Variants in SYT1 observed in about 807,000 individuals in gnomAD.
SYT1 encodes the protein synaptotagmin 1, also known as synaptotagmin-1.
Under a neutral mutation model 44.8 loss-of-function variants are expected in SYT1, and 8 were observed. The observed-to-expected ratio is 0.18, with a 90% CI of 0.10 to 0.32. The LOEUF is 0.32. Ranked by LOEUF, SYT1 falls within the 10% of genes least tolerant of loss-of-function variation. The pLI, the probability that SYT1 is intolerant of heterozygous loss-of-function variation, is 1.00. For synonymous variants in SYT1, 154 were observed against 188.8 expected (o/e 0.82, Z 1.51); for missense variants, 286 against 509.3 (o/e 0.56, Z 4.22).
At chr12:78,997,662 T>C (rs1260936403) in intron 2 of SYT1, among the ~76,000 whole-genome samples, 1 of 150,260 alleles carries the variant, frequency 6.7e-6, no homozygotes, top group Non-Finnish European at 1.5e-5. Context: ...TCTTTCTCTT[T>C]CCTTTTTTTT....
chr12:78,918,248 G>A (rs188044595), intron 1 of SYT1, among the ~76,000 whole-genome samples: 145 of 152,194 alleles, frequency 9.5e-4, no homozygotes, highest in Non-Finnish European at 1.9e-4. Context: ...GAGTGGGCTT[G>A]ATTCCTCCAG....
chr12:78,962,168 A>C (rs181181128), intron 1 of SYT1, among the ~76,000 whole-genome samples: 4 of 152,250 alleles, frequency 2.6e-5, no homozygotes, highest in African/African-American at 4.8e-5. Context: ...AGTTTGGGTC[A>C]CTCAGCTAAC....
intron 1 of SYT1, among the ~76,000 whole-genome samples, chr12:78,948,013 T>C (rs1357656203): frequency 6.6e-6 from 1 of 151,886 alleles, no homozygotes; most frequent in Non-Finnish European, 1.5e-5. Flanking sequence ...AATAGATATA[T>C]TGCATAAGAA....
chr12:79,031,504 G>A (rs1872828995), intron 2 of SYT1, among the ~76,000 whole-genome samples: 1 of 151,046 alleles, frequency 6.6e-6, no homozygotes, highest in African/African-American at 2.4e-5. Flanking sequence ...GTCAGAAAAT[G>A]CAGGGGAATT....
At chr12:79,053,714 T>G (rs1874715473) in intron 3 of SYT1, among the ~76,000 whole-genome samples, 1 of 151,156 alleles carries the variant, frequency 6.6e-6, no homozygotes, top group Non-Finnish European at 1.5e-5. Context: ...ACAATAAGTA[T>G]TATTACATAA....
At chr12:79,447,557 T>G (rs1174619840) in intron 10 of SYT1, among the ~76,000 whole-genome samples, 1 of 152,194 alleles carries the variant, frequency 6.6e-6, no homozygotes, top group Non-Finnish European at 1.5e-5. Flanking sequence ...AATCAAACTC[T>G]AAAAACTTCT....
intron 2 of SYT1, among the ~76,000 whole-genome samples, chr12:79,036,973 C>T (rs1873174682): frequency 6.6e-6 from 1 of 151,708 alleles, no homozygotes; most frequent in African/African-American, 2.4e-5. Context: ...AGGTTATGGA[C>T]TAAATAGAGG....
At chr12:78,889,535 A>C (rs1463685881) in intron 1 of SYT1, among the ~76,000 whole-genome samples, 1 of 151,952 alleles carries the variant, frequency 6.6e-6, no homozygotes, top group East Asian at 1.9e-4. Context: ...GGATTTAGAA[A>C]TGTTATTTAT....
At chr12:79,400,606 G>A (rs1885034247) in intron 9 of SYT1, among the ~76,000 whole-genome samples, 1 of 152,208 alleles carries the variant, frequency 6.6e-6, no homozygotes, top group Non-Finnish European at 1.5e-5. Flanking sequence ...TAGCAGGACA[G>A]AAATTAGAGC....
At chr12:78,876,461 GTGTTTTTTT>G (rs200341555) in intron 1 of SYT1, among the ~76,000 whole-genome samples, 760 of 30,234 alleles carry the variant, frequency 0.025, 19 homozygotes, top group East Asian at 0.2. Context: ...GAAAATGGAG[GTGTTTTTTT>G]TTTTTTTTTT....
chr12:78,874,558 T>C (rs1455933867), intron 1 of SYT1, among the ~76,000 whole-genome samples: 1 of 151,670 alleles, frequency 6.6e-6, no homozygotes. Context: ...CCTGTTACTA[T>C]ATGGTAGATT....
intron 3 of SYT1, among the ~76,000 whole-genome samples, chr12:79,097,976 A>G (rs74237218): frequency 0.023 from 3,485 of 152,034 alleles, 118 homozygotes; most frequent in South Asian, 0.11. Context: ...CAGACATTGC[A>G]TGGTCTTTTA....
intron 5 of SYT1, among the ~76,000 whole-genome samples, chr12:79,287,835 A>G (rs1879386768): frequency 6.6e-6 from 1 of 152,088 alleles, no homozygotes; most frequent in South Asian, 2.1e-4. Flanking sequence ...TTGATGATCT[A>G]TTTTTTGGAT....
chr12:79,367,912 T>A (rs1449435213), intron 9 of SYT1, among the ~76,000 whole-genome samples: 2 of 151,406 alleles, frequency 1.3e-5, no homozygotes, highest in Non-Finnish European at 2.9e-5. Flanking sequence ...AAAAAAAAAA[T>A]TATTATTATA....
chr12:79,355,982 A>G (rs1438397838), intron 9 of SYT1, among the ~76,000 whole-genome samples: 2 of 152,038 alleles, frequency 1.3e-5, no homozygotes, highest in African/African-American at 2.4e-5. Flanking sequence ...AACAGGTGCT[A>G]TGGAGCAGTA....
chr12:78,948,159 T>A lies in SYT1; in HGVS notation c.-216-29640T>A, dbSNP rs1411745378. ...TAATTTTTTAAAGTCAATATTACTA[T>A]AACTCAGTATATTAAAGGCTTTCAA... On this transcript the variant is annotated intron_variant, in intron 1 of 10. Coordinates refer to ENST00000261205, the MANE Select transcript of SYT1 (RefSeq NM_005639.3). 2.6e-5 allele frequency among the ~76,000 whole-genome samples: 4 copies of A among 151,884 alleles called. 1 individual carries two copies. Among genetic ancestry groups the A allele is most frequent in the Middle Eastern group, 0.01 (2 of 200 alleles).
intron 4 of SYT1, among the ~76,000 whole-genome samples, chr12:79,256,671 T>C (rs1310035736): frequency 2.0e-5 from 3 of 152,210 alleles, no homozygotes; most frequent in Admixed American, 6.5e-5. Flanking sequence ...ACACTACTAA[T>C]AGCAGATATG....
chr12:79,255,734 A>T (rs1320027778), intron 4 of SYT1, among the ~76,000 whole-genome samples: 1 of 152,172 alleles, frequency 6.6e-6, no homozygotes, highest in African/African-American at 2.4e-5. Flanking sequence ...GAATTGAAAG[A>T]TTTCTTAAAA....
intron 2 of SYT1, among the ~76,000 whole-genome samples, chr12:79,011,621 C>T (rs1871411370): frequency 6.8e-6 from 1 of 147,596 alleles, no homozygotes; most frequent in South Asian, 2.1e-4. Flanking sequence ...AAAACAATAG[C>T]TGCCAATTTT....
Sources: gnomAD v4.1 joint callset for allele counts (sites outside exome capture counted in the v4.1 genomes callset) on GRCh38, gnomAD v4.1.1 for gene constraint, MANE v1.5 for transcripts, NCBI Gene and HGNC (gene_info 2026-07-23, HGNC 2026-07-21) for gene names.